SMC5: variants seen among roughly 807,000 people sequenced by gnomAD.
SMC5 encodes structural maintenance of chromosomes 5.
SMC5 carries 88 observed loss-of-function variants against 148.3 expected under a neutral mutation model. The observed-to-expected ratio is 0.59, with a 90% CI of 0.50 to 0.71. The LOEUF (loss-of-function observed/expected upper bound fraction) is 0.71, where lower values mean the gene tolerates loss of function less well. Among genes scored for constraint, SMC5 ranks in the 30% least tolerant of loss-of-function variants. The pLI is 0.00. For missense variants in SMC5, 1,142 were observed against 1,298.9 expected, an observed-to-expected ratio of 0.88 and a Z score of 1.86; for synonymous variants, 421 against 432.8, an observed-to-expected ratio of 0.97 and a Z score of 0.34.
At chr9:70,351,209 C>G (rs2036795149) in intron 24 of SMC5, among the ~76,000 whole-genome samples, 3 of 152,010 alleles carry the variant, frequency 2.0e-5, no homozygotes, top group Admixed American at 1.3e-4. Context: ...CAAAAATTAG[C>G]TGGACGTGGC....
At chr9:70,332,710 A>T (rs2036251127) in intron 17 of SMC5, among the ~76,000 whole-genome samples, 2 of 152,180 alleles carry the variant, frequency 1.3e-5, no homozygotes, top group African/African-American at 4.8e-5. Context: ...AGCAGGTCAA[A>T]TCCAACAATA....
Position 70,290,346 on chromosome 9 carries a change from C to T in SMC5, c.1053+4075C>T, listed in dbSNP as rs114471960. ...TAGTTGGACCATGATTTTTTTGGTC[C>T]TCATTAGCATAAAACCAGATATTGC... is the stretch of plus-strand genomic sequence containing the variant. On this transcript the variant is annotated intron_variant, in intron 8 of 24. Coordinates refer to ENST00000361138, the MANE Select transcript of SMC5 (RefSeq NM_015110.4). Among the ~76,000 whole-genome samples the T allele has an allele frequency of 3.8e-3, 573 of 152,008 alleles. 2 individuals are homozygous for T. Among genetic ancestry groups the T allele is most frequent in the African/African-American group, 0.013 (547 of 41,478 alleles).
chr9:70,281,944 C>G (rs976349477), intron 6 of SMC5, among the ~76,000 whole-genome samples: 1 of 151,216 alleles, frequency 6.6e-6, no homozygotes, highest in Admixed American at 6.6e-5. Flanking sequence ...TAGTGTGCCA[C>G]TTAATTTTTT....
intron 8 of SMC5, 95 bp downstream of exon 8, chr9:70,286,366 G>T: frequency 4.0e-6 from 3 of 744,370 alleles, no homozygotes; most frequent in Non-Finnish European, 6.9e-6. Flanking sequence ...TTGGGGAATG[G>T]CCAAGATCCT....
chr9:70,333,857 T>C (rs1228376122), intron 17 of SMC5, among the ~76,000 whole-genome samples: 1 of 150,806 alleles, frequency 6.6e-6, no homozygotes, highest in Non-Finnish European at 1.5e-5. Context: ...GATCAAAAAT[T>C]CAGGATTTCT....
At chr9:70,283,495 AAAAT>A (rs1163977569) in intron 7 of SMC5, among the ~76,000 whole-genome samples, 145 of 152,316 alleles carry the variant, frequency 9.5e-4, no homozygotes, top group African/African-American at 3.1e-3. Context: ...TAAAAATTTA[AAAAT>A]AAATCAATAA....
At chr9:70,337,804 G>A (rs914168389) in intron 17 of SMC5, among the ~76,000 whole-genome samples, 2 of 151,772 alleles carry the variant, frequency 1.3e-5, no homozygotes, top group Admixed American at 1.3e-4. Context: ...CTGGAAAGTA[G>A]GAAAGTTTTT....
At chr9:70,334,456 A>C (rs1393012462) in intron 17 of SMC5, among the ~76,000 whole-genome samples, 1 of 152,194 alleles carries the variant, frequency 6.6e-6, no homozygotes, top group Non-Finnish European at 1.5e-5. Context: ...TGCCATTACA[A>C]AAAGGCAGGC....
intron 17 of SMC5, among the ~76,000 whole-genome samples, chr9:70,328,006 G>A (rs780207907): frequency 1.3e-5 from 2 of 152,012 alleles, no homozygotes; most frequent in Middle Eastern, 3.2e-3. Context: ...AATGCTACAC[G>A]CTTTTAAACA....
chr9:70,278,107 C>G (rs1380193038), intron 4 of SMC5, among the ~76,000 whole-genome samples: 1 of 151,972 alleles, frequency 6.6e-6, no homozygotes, highest in Non-Finnish European at 1.5e-5. Flanking sequence ...CAGCTGATGT[C>G]AGATTATCTC....
intron 11 of SMC5, among the ~76,000 whole-genome samples, chr9:70,308,584 C>A (rs1412070221): frequency 1.1e-5 from 1 of 94,430 alleles, no homozygotes; most frequent in East Asian, 3.3e-4. Flanking sequence ...GACAGAGACT[C>A]TGTCTCAAAA....
chr9:70,259,468 T>C (rs945547498), intron 1 of SMC5, among the ~76,000 whole-genome samples: 13 of 152,194 alleles, frequency 8.5e-5, no homozygotes, highest in South Asian at 4.1e-4. Flanking sequence ...GTGCCTTGGG[T>C]GATGTGGTTT....
Position 70,318,831 on chromosome 9 carries a change from T to C in SMC5, c.2018T>C (p.Leu673Ser). 2 of 1,602,200 alleles carry C rather than the reference T, an allele frequency of 1.2e-6. No individual in the cohort carries two copies. Among genetic ancestry groups the C allele is most frequent in the Non-Finnish European group, 1.7e-6 (2 of 1,175,932 alleles). ...AAATTGCAAGCAGTGGATTCAGGGT[T>C]GATTGCCTTACGTGAAACAAGCAAA... is the stretch of plus-strand genomic sequence containing the variant. ...HRKLQAVDSGLIALRETSKHL... is the reference protein window; with the variant it reads ...HRKLQAVDSGSIALRETSKHL... The change falls in exon 15 of 25, where the codon TTG (leucine) becomes TCG (serine). Residue 673 changes from leucine to serine, a missense_variant. Physicochemically the swap from Leu to Ser is moderately radical, Grantham distance 145. Transcript: ENST00000361138.
At chr9:70,292,533 C>G (rs2118314741) in intron 8 of SMC5, among the ~76,000 whole-genome samples, 1 of 152,226 alleles carries the variant, frequency 6.6e-6, no homozygotes, top group East Asian at 1.9e-4. Flanking sequence ...AACTTCAGCA[C>G]TCTGTTGAAT....
rs2036839301 is a variant in SMC5, at chr9:70,353,067, C to G, written c.*736C>G. The G allele has an allele frequency of 6.6e-6, 1 of 151,658 alleles. No homozygotes were observed. The highest frequency in any genetic ancestry group is 1.5e-5 in the Non-Finnish European group (1 of 67,912). The allele number at this position is 151,658 out of a possible 1,614,324, so 9.4% of individuals were successfully genotyped here. ...GGTGACAAGGGTTTTTAAAGAATAA[C>G]CTTTTAAAGTGTGGGGGCAGGGGTT... On this transcript the variant is annotated 3_prime_UTR_variant, in exon 25 of 25. Transcript: ENST00000361138.
In SMC5 at chr9:70,277,948, TATTAA is replaced by T. The variant is rs2034637825; in HGVS notation, c.543+480_543+484del. ...TGTTAAATGTTAAAGTCATATTACCTATTAAATTTGACTTTGAATGCTGTCTAGGG... is the reference window on the plus strand; with the variant it reads ...TGTTAAATGTTAAAGTCATATTACCTATTTGACTTTGAATGCTGTCTAGGG... On this transcript the variant is annotated intron_variant, in intron 4 of 24. Transcript: ENST00000361138. 3.3e-5 allele frequency among the ~76,000 whole-genome samples: 5 copies of T among 152,198 alleles called. No homozygotes were observed. In the South Asian group the frequency reaches 1.0e-3, roughly 32 times the overall value.
At chr9:70,285,620 C>A (rs1270689987) in intron 7 of SMC5, among the ~76,000 whole-genome samples, 1 of 152,214 alleles carries the variant, frequency 6.6e-6, no homozygotes, top group Admixed American at 6.5e-5. Flanking sequence ...ACCTTGCAAA[C>A]AAGCCTGTCC....
At chr9:70,340,455 A>T (rs1477476881) in intron 17 of SMC5, among the ~76,000 whole-genome samples, 1 of 152,124 alleles carries the variant, frequency 6.6e-6, no homozygotes, top group Non-Finnish European at 1.5e-5. Flanking sequence ...ATTAAAATTT[A>T]AAGTTGACTT....
intron 15 of SMC5, among the ~76,000 whole-genome samples, chr9:70,321,394 CTTTTT>C (rs11390673): frequency 7.4e-6 from 1 of 135,912 alleles, no homozygotes. Context: ...TGTCAAATGT[CTTTTT>C]TTTTTTTTTT....
Sources: gnomAD v4.1 joint callset for allele counts (sites outside exome capture counted in the v4.1 genomes callset) on GRCh38, gnomAD v4.1.1 for gene constraint, MANE v1.5 for transcripts, NCBI Gene and HGNC (gene_info 2026-07-23, HGNC 2026-07-21) for gene names.